OPCML: variants seen among roughly 807,000 people sequenced by gnomAD.
The protein encoded by OPCML is opioid-binding protein/cell adhesion molecule.
Under a neutral mutation model 37.8 loss-of-function variants are expected in OPCML, and 13 were observed. The ratio of observed to expected loss-of-function variants is 0.34; its 90% CI spans 0.22 to 0.55. The LOEUF is 0.55. OPCML is among the 20% of genes least tolerant of loss of function. The probability of loss-of-function intolerance (pLI) is 0.91; values close to 1 mark genes in which losing one functional copy is unlikely to be tolerated. For synonymous variants in OPCML, 176 were observed against 168.8 expected, an observed-to-expected ratio of 1.04 and a Z score of -0.33; for missense variants, 341 against 435.6, an observed-to-expected ratio of 0.78 and a Z score of 1.93.
At chr11:133,489,850 ATATT>A (rs546716457) in intron 1 of OPCML, among the ~76,000 whole-genome samples, 5,450 of 143,812 alleles carry the variant, frequency 0.038, 134 homozygotes, top group Non-Finnish European at 0.06. Context: ...ATATATATAT[ATATT>A]TTTTTATACA....
intron 1 of OPCML, among the ~76,000 whole-genome samples, chr11:133,220,391 C>T (rs914201471): frequency 4.6e-5 from 7 of 152,188 alleles, no homozygotes; most frequent in African/African-American, 1.7e-4. Context: ...CACAGGTTCT[C>T]ATGCCAAGGT....
intron 4 of OPCML, among the ~76,000 whole-genome samples, chr11:132,525,568 G>GA (rs1457402475): frequency 6.6e-6 from 1 of 152,116 alleles, no homozygotes; most frequent in Non-Finnish European, 1.5e-5. Context: ...AAGTTTTATT[G>GA]AATGTACTTC....
intron 2 of OPCML, among the ~76,000 whole-genome samples, chr11:132,778,820 G>A (rs1946894116): frequency 6.6e-6 from 1 of 152,072 alleles, no homozygotes; most frequent in Non-Finnish European, 1.5e-5. Context: ...ATTAGCTCTA[G>A]GCCTCCCCAC....
intron 3 of OPCML, among the ~76,000 whole-genome samples, chr11:132,573,457 A>C (rs1018666880): frequency 4.6e-5 from 7 of 152,046 alleles, no homozygotes; most frequent in Non-Finnish European, 1.0e-4. Context: ...GAGAGTATTT[A>C]TCACGAAAGG....
At chr11:133,265,628 T>G (rs894420088) in intron 1 of OPCML, among the ~76,000 whole-genome samples, 1 of 152,178 alleles carries the variant, frequency 6.6e-6, no homozygotes, top group Non-Finnish European at 1.5e-5. Flanking sequence ...CGGAAGCCAG[T>G]GTTGGGGCTG....
At chr11:132,742,098 G>C (rs1163573390) in intron 2 of OPCML, among the ~76,000 whole-genome samples, 1 of 152,112 alleles carries the variant, frequency 6.6e-6, no homozygotes, top group East Asian at 1.9e-4. Context: ...TTTAGTAAAT[G>C]GTGTGAGATA....
chr11:133,364,449 C>G (rs1400957485), intron 1 of OPCML, among the ~76,000 whole-genome samples: 1 of 152,078 alleles, frequency 6.6e-6, no homozygotes, highest in Non-Finnish European at 1.5e-5. Flanking sequence ...AGACTGGGAG[C>G]CCTTAAAAGA....
chr11:133,176,523 C>T (rs1350112879), intron 1 of OPCML, among the ~76,000 whole-genome samples: 2 of 151,990 alleles, frequency 1.3e-5, no homozygotes, highest in Non-Finnish European at 2.9e-5. Context: ...GTGATTGAAT[C>T]ATGGGGTGCA....
chr11:132,627,925 C>T (rs920168673), intron 3 of OPCML, among the ~76,000 whole-genome samples: 1 of 151,394 alleles, frequency 6.6e-6, no homozygotes, highest in African/African-American at 2.4e-5. Flanking sequence ...AACTGGGCCT[C>T]GTATAATGTG....
intron 2 of OPCML, among the ~76,000 whole-genome samples, chr11:132,868,398 A>T (rs1319787121): frequency 6.8e-6 from 1 of 147,428 alleles, no homozygotes; most frequent in African/African-American, 2.5e-5. Flanking sequence ...GTTGTGAATT[A>T]TCAGGTGATT....
chr11:132,936,463 GCATCTGACA>G (rs2136650956), intron 2 of OPCML, among the ~76,000 whole-genome samples: 1 of 152,188 alleles, frequency 6.6e-6, no homozygotes, highest in South Asian at 2.1e-4. Context: ...AATTAATGTG[GCATCTGACA>G]CATAGTAAAC....
intron 1 of OPCML, among the ~76,000 whole-genome samples, chr11:133,244,578 G>A (rs1379327749): frequency 6.6e-6 from 1 of 152,084 alleles, no homozygotes; most frequent in African/African-American, 2.4e-5. Flanking sequence ...CTGGAGGAGG[G>A]GCCTCGTGGG....
At chr11:132,683,072 A>G (rs1376601845) in intron 2 of OPCML, among the ~76,000 whole-genome samples, 2 of 152,194 alleles carry the variant, frequency 1.3e-5, no homozygotes, top group Non-Finnish European at 2.9e-5. Context: ...GGTTGAAGGA[A>G]TTTTTATTTA....
In OPCML at chr11:133,458,326, GTA is replaced by G. The variant is rs1226336843; in HGVS notation, c.61+73936_61+73937del. Among the ~76,000 whole-genome samples the G allele has an allele frequency of 1.4e-4, 3 of 21,302 alleles. 1 individual carries two copies. The highest frequency in any genetic ancestry group is 4.8e-4 in the Admixed American group (1 of 2,068). 14.0% of individuals were successfully genotyped at this position (21,302 alleles called of 152,430 possible). A position where few individuals can be genotyped will look rare whatever the true frequency, so the allele number is the denominator to read the frequency against. On this transcript the variant is annotated intron_variant, in intron 1 of 7. Transcript: ENST00000524381. ...TATATACACATATATACACGTGTGTGTATATATATACACATATATACACGTGT... is the reference window on the plus strand; with the variant it reads ...TATATACACATATATACACGTGTGTGTATATATACACATATATACACGTGT...
At chr11:133,375,084 C>A (rs553101108) in intron 1 of OPCML, among the ~76,000 whole-genome samples, 1 of 152,284 alleles carries the variant, frequency 6.6e-6, no homozygotes, top group South Asian at 2.1e-4. Context: ...AAAGCACGTG[C>A]TCTCTCCTTC....
At chr11:132,795,065 GC>G (rs1288407956) in intron 2 of OPCML, among the ~76,000 whole-genome samples, 1 of 151,994 alleles carries the variant, frequency 6.6e-6, no homozygotes, top group East Asian at 1.9e-4. Context: ...AATGGGTATG[GC>G]AAGAGCTTCA....
chr11:132,614,327 A>T (rs1012572535), intron 3 of OPCML, among the ~76,000 whole-genome samples: 3 of 152,118 alleles, frequency 2.0e-5, no homozygotes, highest in Non-Finnish European at 4.4e-5. Flanking sequence ...GTCACCATGA[A>T]AATCATACCG....
intron 2 of OPCML, among the ~76,000 whole-genome samples, chr11:132,913,002 T>C (rs1443302079): frequency 6.6e-6 from 1 of 152,232 alleles, no homozygotes; most frequent in Non-Finnish European, 1.5e-5. Flanking sequence ...AGGAGAGGCA[T>C]TAGTAGAGTT....
At chr11:133,255,262 T>C (rs966081825) in intron 1 of OPCML, among the ~76,000 whole-genome samples, 1 of 152,108 alleles carries the variant, frequency 6.6e-6, no homozygotes, top group African/African-American at 2.4e-5. Context: ...TACGAATGTC[T>C]CCAGTCCTGC....
Sources: allele counts gnomAD v4.1 joint callset (sites outside exome capture counted in the v4.1 genomes callset), GRCh38; gene constraint gnomAD v4.1.1; transcripts MANE v1.5; gene names NCBI Gene and HGNC (gene_info 2026-07-23, HGNC 2026-07-21).